TMEM218: variants seen among roughly 807,000 people sequenced by gnomAD.
TMEM218 encodes the protein transmembrane protein 218.
Under a neutral mutation model 10.0 loss-of-function variants are expected in TMEM218, and 8 were observed. The ratio of observed to expected loss-of-function variants is 0.80; its 90% CI spans 0.47 to 1.44. The LOEUF (loss-of-function observed/expected upper bound fraction) is 1.44. Among genes scored for constraint, TMEM218 ranks in the 40% most tolerant of loss-of-function variants. The pLI is 0.00. For missense variants in TMEM218, 110 were observed against 140.1 expected (o/e 0.79, Z 1.08); for synonymous variants, 66 against 63.5 (o/e 1.04, Z -0.18).
At chr11:125,110,436 G>A (rs1341653176) in intron 1 of TMEM218, 2 of 152,230 alleles carry the variant, frequency 1.3e-5, no homozygotes, top group African/African-American at 4.8e-5. Context: ...CTCTGAGAGA[G>A]TTTGTTCAAA....
intron 4 of TMEM218, 48 bp downstream of exon 4, chr11:125,101,153 G>GA: frequency 6.6e-7 from 1 of 1,513,940 alleles, no homozygotes; most frequent in Non-Finnish European, 9.1e-7. Flanking sequence ...CAGACCAAGA[G>GA]AAATAAGAAT....
At chr11:125,107,669 G>A (rs1226389157) in intron 1 of TMEM218, among the ~76,000 whole-genome samples, 1 of 152,062 alleles carries the variant, frequency 6.6e-6, no homozygotes, top group African/African-American at 2.4e-5. Flanking sequence ...TGAAGGGGCT[G>A]ACATGAAACA....
intron 1 of TMEM218, chr11:125,104,161 G>A (rs1247418478): frequency 6.6e-6 from 1 of 152,256 alleles, no homozygotes; most frequent in East Asian, 1.9e-4. Flanking sequence ...GGCACATTTA[G>A]GAAAGAATCA....
At chr11:125,098,784 A>C (rs957301251) in intron 4 of TMEM218, among the ~76,000 whole-genome samples, 15 of 152,194 alleles carry the variant, frequency 9.9e-5, no homozygotes, top group Non-Finnish European at 1.9e-4. Context: ...TAATCACAGG[A>C]TCCTTCTAAG....
Position 125,106,299 on chromosome 11 carries a change from A to G in TMEM218, c.-152-3490T>C, listed in dbSNP as rs1952125565. Among the ~76,000 whole-genome samples, 3 of 152,180 alleles carry G rather than the reference A, an allele frequency of 2.0e-5. No homozygotes were observed. In the South Asian group the frequency reaches 6.2e-4, roughly 32 times the overall value. On this transcript the variant is annotated intron_variant, in intron 1 of 4. Transcript: ENST00000682305. ...AATAAAATATAAGCTATGAAGCAATATTAGTACCACGCAAAACAGATGTAA... is the reference window on the plus strand; with the variant it reads ...AATAAAATATAAGCTATGAAGCAATGTTAGTACCACGCAAAACAGATGTAA...
Position 125,094,695 on chromosome 11 carries a change from A to G in TMEM218, c.*2911T>C, listed in dbSNP as rs1949412111. On this transcript the variant is annotated 3_prime_UTR_variant, in exon 5 of 5. Coordinates refer to ENST00000682305, the MANE Select transcript of TMEM218 (RefSeq NM_001258244.2). ...CAAAAAATAAACCAGAAACACTTCA[A>G]CTGCAACAACCATGAAATAGAGTTG... Among the ~76,000 whole-genome samples, 1 of 152,248 alleles carries G rather than the reference A, an allele frequency of 6.6e-6. No homozygotes were observed. The highest frequency in any genetic ancestry group is 1.5e-5 in the Non-Finnish European group (1 of 68,038).
chr11:125,102,792 G>A lies in TMEM218; in HGVS notation c.-135C>T. 9.1e-7 allele frequency: 1 copy of A among 1,100,216 alleles called. No individual in the cohort carries two copies. Among genetic ancestry groups the A allele is most frequent in the Non-Finnish European group, 1.2e-6 (1 of 831,392 alleles). 68.2% of individuals were successfully genotyped at this position (1,100,216 alleles called of 1,614,324 possible). A position where few individuals can be genotyped will look rare whatever the true frequency, so the allele number is the denominator to read the frequency against. On this transcript the variant is annotated 5_prime_UTR_variant, in exon 2 of 5. Transcript: ENST00000682305. ...TCTGTTGTCGAGTTCTTATTCAAGA[G>A]GATGAAAACTCCCAGTCCTTAAAGA...
chr11:125,097,933 G>T (rs7948603), intron 4 of TMEM218, among the ~76,000 whole-genome samples, 193 bp from the exon 5 acceptor site: 10,893 of 152,108 alleles, frequency 0.072, 774 homozygotes, highest in African/African-American at 0.18. Context: ...ACACAAGAAG[G>T]GATTAATGAG....
intron 4 of TMEM218, among the ~76,000 whole-genome samples, chr11:125,098,409 G>A (rs975188926): frequency 2.6e-5 from 4 of 152,168 alleles, no homozygotes; most frequent in South Asian, 4.1e-4. Flanking sequence ...CCCTATAATT[G>A]GTGTTGGCTC....
chr11:125,102,076 G>T, intron 3 of TMEM218, 56 bp downstream of exon 3: 1 of 1,470,886 alleles, frequency 6.8e-7, no homozygotes, highest in South Asian at 1.5e-5. Flanking sequence ...GTGAGCATCA[G>T]CGATTTTGCC....
At chr11:125,102,967 T>A in intron 1 of TMEM218, 158 bp from the exon 2 acceptor site, 1 of 257,010 alleles carries the variant, frequency 3.9e-6, no homozygotes, top group Non-Finnish European at 7.7e-6. Flanking sequence ...CGCGATGGGG[T>A]ATCTATTAGT....
chr11:125,102,847 T>TTC, intron 1 of TMEM218, 38 bp from the exon 2 acceptor site: 1 of 552,710 alleles, frequency 1.8e-6, no homozygotes, highest in South Asian at 1.9e-5. Flanking sequence ...TTTTTGAACA[T>TTC]TCACTGTGTG....
intron 4 of TMEM218, 66 bp from the exon 5 acceptor site, chr11:125,097,806 C>G: frequency 6.6e-7 from 1 of 1,518,016 alleles, no homozygotes; most frequent in Admixed American, 1.9e-5. Context: ...TTAACCTGAA[C>G]TCCATGATGA....
In TMEM218 at chr11:125,095,927, G is replaced by T. The variant is rs1048086378; in HGVS notation, c.*1679C>A. ...AGAAGAAGGTAACAATTGGCAGCTT[G>T]TGCTTGTTAGGAGCCAAGCTTCCAC... On this transcript the variant is annotated 3_prime_UTR_variant, in exon 5 of 5. Coordinates refer to ENST00000682305, the MANE Select transcript of TMEM218 (RefSeq NM_001258244.2). Among the ~76,000 whole-genome samples the T allele has an allele frequency of 1.3e-5, 2 of 152,138 alleles. No individual in the cohort carries two copies. The highest frequency in any genetic ancestry group is 1.5e-5 in the Non-Finnish European group (1 of 68,028).
chr11:125,105,548 T>C (rs1951913702), intron 1 of TMEM218, among the ~76,000 whole-genome samples: 1 of 152,154 alleles, frequency 6.6e-6, no homozygotes, highest in South Asian at 2.1e-4. Flanking sequence ...ATTTCTGTAA[T>C]AATGACAATT....
intron 1 of TMEM218, among the ~76,000 whole-genome samples, chr11:125,106,864 C>A (rs765263576): frequency 2.0e-5 from 3 of 151,744 alleles, no homozygotes; most frequent in Admixed American, 6.6e-5. Flanking sequence ...CACCTAAATT[C>A]AAAAAAAAGA....
intron 1 of TMEM218, among the ~76,000 whole-genome samples, chr11:125,106,283 T>A (rs1251253901): frequency 6.6e-6 from 1 of 151,972 alleles, no homozygotes; most frequent in Non-Finnish European, 1.5e-5. Flanking sequence ...AAATAAAATA[T>A]AAGCTATGAA....
At chr11:125,107,655 G>A (rs1952541419) in intron 1 of TMEM218, among the ~76,000 whole-genome samples, 2 of 152,076 alleles carry the variant, frequency 1.3e-5, no homozygotes, top group Admixed American at 6.5e-5. Context: ...TCAGTGAGAG[G>A]AGGTGAAGGG....
rs1256140158 is a variant in TMEM218 at position 125,096,113 on chromosome 11, A to C, written c.*1493T>G. ...CAGATTAGGAAACTATTTCCTTTGA[A>C]GTTTTCTGTACAAAGCCTTATCTGC... On this transcript the variant is annotated 3_prime_UTR_variant, in exon 5 of 5. Transcript: ENST00000682305. Among the ~76,000 whole-genome samples the C allele has an allele frequency of 6.6e-6, 1 of 152,148 alleles. No individual in the cohort carries two copies. Among genetic ancestry groups the C allele is most frequent in the Non-Finnish European group, 1.5e-5 (1 of 68,020 alleles).
Sources: gnomAD v4.1 joint callset for allele counts (sites outside exome capture counted in the v4.1 genomes callset) on GRCh38, gnomAD v4.1.1 for gene constraint, MANE v1.5 for transcripts, NCBI Gene and HGNC (gene_info 2026-07-23, HGNC 2026-07-21) for gene names.